The following TRIM36 variants were observed in gnomAD, a reference collection of about 807,000 sequenced individuals.
The protein encoded by TRIM36 is tripartite motif containing 36.
TRIM36 carries 42 observed loss-of-function variants against 72.4 expected under a neutral mutation model. That is an observed-to-expected ratio of 0.58 (90% CI 0.45 to 0.75). The LOEUF is 0.75. TRIM36 is among the 30% of genes least tolerant of loss of function. The pLI is 0.00. For missense variants in TRIM36, 913 were observed against 857.1 expected (o/e 1.07, Z -0.81); for synonymous variants, 315 against 282.8 (o/e 1.11, Z -1.14).
rs1349867817 is a variant in TRIM36, at chr5:115,124,809, T to G, written c.*1694A>C. ...AATGAAAGAAACACAGCTAAACAAT[T>G]TATTTACAATTGCACAAGGTTTGAA... is the stretch of plus-strand genomic sequence containing the variant. On this transcript the variant is annotated 3_prime_UTR_variant, in exon 10 of 10. Coordinates refer to ENST00000513154, the MANE Select transcript of TRIM36 (RefSeq NM_001300759.2). The G allele has an allele frequency of 6.6e-6, 1 of 152,528 alleles. No homozygotes were observed. Among genetic ancestry groups the G allele is most frequent in the African/African-American group, 2.4e-5 (1 of 41,460 alleles). 9.4% of individuals were successfully genotyped at this position (152,528 alleles called of 1,614,324 possible). A position where few individuals can be genotyped will look rare whatever the true frequency, so the allele number is the denominator to read the frequency against.
chr5:115,169,571 C>A, intron 1 of TRIM36, 37 bp downstream of exon 1: 1 of 1,501,612 alleles, frequency 6.7e-7, no homozygotes, highest in South Asian at 1.2e-5. Context: ...CGGCACACCG[C>A]CCTCGAGGTG....
intron 2 of TRIM36, among the ~76,000 whole-genome samples, chr5:115,149,974 T>C (rs1235284515): frequency 6.6e-6 from 1 of 152,190 alleles, no homozygotes. Context: ...TTAGCCAGGA[T>C]GGTCTCGATC....
At chr5:115,150,557 C>T (rs371090639) in intron 2 of TRIM36, among the ~76,000 whole-genome samples, 5 of 152,258 alleles carry the variant, frequency 3.3e-5, no homozygotes, top group African/African-American at 1.2e-4. Flanking sequence ...AGAGGAAGGA[C>T]TAGATTGCAG....
rs1020741397 is a variant in TRIM36, at chr5:115,125,025, C to A, written c.*1478G>T. 1 of 152,044 alleles carries A rather than the reference C, an allele frequency of 6.6e-6. No homozygotes were observed. The highest frequency in any genetic ancestry group is 1.9e-4 in the East Asian group (1 of 5,196). 9.4% of individuals were successfully genotyped at this position (152,044 alleles called of 1,614,324 possible). ...CTATTCATAGATGGGAAATTAACAG[C>A]CTGCTAAACACTGAAGTTCTCCATG... On this transcript the variant is annotated 3_prime_UTR_variant, in exon 10 of 10. Transcript: ENST00000513154.
intron 9 of TRIM36, among the ~76,000 whole-genome samples, chr5:115,128,116 G>A (rs902264189): frequency 5.3e-5 from 8 of 150,888 alleles, no homozygotes; most frequent in Admixed American, 6.6e-5. Flanking sequence ...GGTAGCTCAC[G>A]TCTGTAATCC....
intron 4 of TRIM36, among the ~76,000 whole-genome samples, chr5:115,144,003 T>A (rs944084226): frequency 6.6e-6 from 1 of 151,788 alleles, no homozygotes; most frequent in African/African-American, 2.4e-5. Flanking sequence ...CTTGAGTAGC[T>A]GGGACTACAG....
chr5:115,179,239 C>T (rs148947476), intron 1 of TRIM36, among the ~76,000 whole-genome samples: 2 of 152,176 alleles, frequency 1.3e-5, no homozygotes, highest in Non-Finnish European at 2.9e-5. Flanking sequence ...CCCAGCCTCC[C>T]GCACTGACTC....
At chr5:115,160,511 A>C (rs193146184) in intron 2 of TRIM36, among the ~76,000 whole-genome samples, 84 of 152,270 alleles carry the variant, frequency 5.5e-4, no homozygotes, top group African/African-American at 1.9e-3. Flanking sequence ...CATACTGGAC[A>C]ATCCGGGTTT....
chr5:115,134,809 G>A (rs1221066023), intron 7 of TRIM36, among the ~76,000 whole-genome samples: 1 of 151,966 alleles, frequency 6.6e-6, no homozygotes, highest in Non-Finnish European at 1.5e-5. Context: ...CAAAGTGCTG[G>A]GATTACAGGC....
In TRIM36 at chr5:115,137,356, A is replaced by AGAATAC; in HGVS notation, c.1085+1_1085+6dup. The AGAATAC allele has an allele frequency of 6.3e-7, 1 of 1,598,472 alleles. No homozygotes were observed. Among genetic ancestry groups the AGAATAC allele is most frequent in the Non-Finnish European group, 8.5e-7 (1 of 1,174,818 alleles). ...TAGGTTCTAAAGTTAGAAGTAAAAG[A>AGAATAC]GAATACCTGAGGTGGAGCTGCTTTG... On this transcript the variant is annotated splice_region_variant and intron_variant, in intron 6 of 9. Transcript: ENST00000513154.
chr5:115,161,304 T>A (rs1328362211), intron 2 of TRIM36, among the ~76,000 whole-genome samples: 2 of 152,216 alleles, frequency 1.3e-5, no homozygotes, highest in Admixed American at 1.3e-4. Context: ...AATGAATGAA[T>A]GCCACTGGTA....
At chr5:115,172,251 TAAATA>T (rs2126952895), upstream of TRIM36, among the ~76,000 whole-genome samples, 1 of 152,322 alleles carries the variant, frequency 6.6e-6, no homozygotes, top group South Asian at 2.1e-4. Context: ...TCAAAAATTT[TAAATA>T]TTTTTACCTT....
At chr5:115,140,590 C>G (rs191862709) in intron 5 of TRIM36, among the ~76,000 whole-genome samples, 1 of 152,116 alleles carries the variant, frequency 6.6e-6, no homozygotes, top group African/African-American at 2.4e-5. Context: ...AACCTACCCC[C>G]CTCCTCAACT....
At chr5:115,166,335 G>C (rs763729472) in intron 1 of TRIM36, among the ~76,000 whole-genome samples, 1 of 152,158 alleles carries the variant, frequency 6.6e-6, no homozygotes, top group Non-Finnish European at 1.5e-5. Flanking sequence ...GCAGATGATA[G>C]GACGACCTGC....
At chr5:115,170,176 A>T (rs1213411408), upstream of TRIM36, among the ~76,000 whole-genome samples, 1 of 150,458 alleles carries the variant, frequency 6.6e-6, no homozygotes, top group Admixed American at 6.6e-5. Flanking sequence ...CCGTCGCCCT[A>T]TGCCAGGCTG....
At chr5:115,180,145 A>T (rs1755553714) in exon 1 of TRIM36, 1 of 1,099,286 alleles carries the variant, frequency 9.1e-7, no homozygotes, top group Non-Finnish European at 1.3e-6. Flanking sequence ...CTCCCCGCCC[A>T]TAAGCTGTTA....
chr5:115,177,479 G>T, intron 1 of TRIM36: 1 of 1,195,956 alleles, frequency 8.4e-7, no homozygotes, highest in Non-Finnish European at 1.1e-6. Flanking sequence ...TTACAAACCC[G>T]AACTACAAAG....
chr5:115,126,939 G>T, intron 9 of TRIM36, 82 bp from the exon 10 acceptor site: 1 of 1,291,866 alleles, frequency 7.7e-7, no homozygotes, highest in South Asian at 1.6e-5. Flanking sequence ...AATATACATT[G>T]ATGTAAAGTT....
exon 1 of TRIM36, chr5:115,180,102 TC>T: frequency 6.5e-7 from 1 of 1,529,972 alleles, no homozygotes; most frequent in East Asian, 2.3e-5. Flanking sequence ...CTTTCTTTTC[TC>T]TTTTTCTGTT....
Sources: allele counts gnomAD v4.1 joint callset (sites outside exome capture counted in the v4.1 genomes callset), GRCh38; gene constraint gnomAD v4.1.1; transcripts MANE v1.5; gene names NCBI Gene and HGNC (gene_info 2026-07-23, HGNC 2026-07-21).